Variants in UBE4A observed in about 807,000 individuals in gnomAD.
UBE4A encodes the protein ubiquitination factor E4A.
In UBE4A, 48 loss-of-function variants were observed where a neutral mutation model predicts 117.9. That is an observed-to-expected ratio of 0.41 (90% CI 0.32 to 0.52). The LOEUF (loss-of-function observed/expected upper bound fraction) is 0.52. UBE4A is among the 20% of genes least tolerant of loss of function. The pLI, the probability that UBE4A is intolerant of heterozygous loss-of-function variation, is 0.33. For missense variants in UBE4A, 1,067 were observed against 1,296.3 expected (o/e 0.82, Z 2.72); for synonymous variants, 407 against 450.0 (o/e 0.90, Z 1.21).
chr11:118,384,704 G>C lies in UBE4A; in HGVS notation c.2267G>C (p.Trp756Ser), dbSNP rs201356695. The C allele has an allele frequency of 1.5e-5, 25 of 1,614,040 alleles. No individual in the cohort carries two copies. The East Asian group carries it at 4.0e-4, about 26-fold the overall frequency. Reference protein sequence around the residue: ...RPMYPILRYMWGTDTYRESIK... With the variant: ...RPMYPILRYMSGTDTYRESIK... ...ATGTATCCTATCCTAAGATACATGTGGGGGACAGATACCTATCGGGAGAGC... is the reference window on the plus strand; with the variant it reads ...ATGTATCCTATCCTAAGATACATGTCGGGGACAGATACCTATCGGGAGAGC... The change falls in exon 14 of 20, where the codon TGG becomes TCG. Residue 756 changes from tryptophan (W) to serine (S), a missense_variant. Around this residue, in one of 3 missense-constraint regions of UBE4A, gnomAD observed 1,001 missense variants for 1,184.0 expected, o/e 0.85. Transcript: ENST00000252108.
rs958672352 is a variant in UBE4A at position 118,375,067 on chromosome 11, G to A, written c.1288G>A (p.Ala430Thr). Residue 430 changes from alanine to threonine, a missense_variant, in exon 9 of 20, where the codon GCC (alanine) becomes ACC (threonine). Ala to Thr is a moderately conservative substitution (Grantham distance 58, BLOSUM62 0). Coordinates refer to ENST00000252108, the MANE Select transcript of UBE4A (RefSeq NM_001204077.2). ...GCCAGAAATCTTTTTCCAAATGTAT[G>A]CCTCAGATGCTTTCTTTCTGAATCT... ...QMPEIFFQMY[A>T]SDAFFLNLGA... The A allele has an allele frequency of 1.2e-6, 2 of 1,614,204 alleles. No homozygotes were observed. The highest frequency in any genetic ancestry group is 2.2e-5 in the South Asian group (2 of 91,086).
rs1250948524 is a variant in UBE4A at position 118,373,571 on chromosome 11, G to C, written c.1002G>C (p.Leu334=). 1 of 1,614,164 alleles carries C rather than the reference G, an allele frequency of 6.2e-7. No homozygotes were observed. The highest frequency in any genetic ancestry group is 8.5e-7 in the Non-Finnish European group (1 of 1,180,038). The stretch of plus-strand genomic sequence containing the variant: ...AGAAGACCTTGCTGGGAGTAATTCT[G>C]AGTATCTCCTGCTTATTAAAGACTC... ...MYQKTLLGVI[L]SISCLLKTPG... is the part of the protein sequence containing the mutation. Residue 334 remains leucine, a synonymous_variant, in exon 8 of 20, where the codon CTG becomes CTC. Transcript: ENST00000252108.
intron 2 of UBE4A, among the ~76,000 whole-genome samples, chr11:118,365,943 A>T (rs754699639): frequency 2.6e-5 from 4 of 152,308 alleles, no homozygotes; most frequent in Non-Finnish European, 5.9e-5. Context: ...TCTTCTGAAG[A>T]TATTCACAAT....
chr11:118,373,856 C>T (rs757710387), intron 8 of UBE4A, among the ~76,000 whole-genome samples, 171 bp downstream of exon 8: 21 of 152,166 alleles, frequency 1.4e-4, no homozygotes, highest in South Asian at 6.2e-4. Context: ...CCTGTAATCC[C>T]GGCACTTTGG....
In UBE4A at chr11:118,379,439, G is replaced by C; in HGVS notation, c.1572-7G>C. 1.2e-6 allele frequency: 2 copies of C among 1,609,478 alleles called. No homozygotes were observed. The highest frequency in any genetic ancestry group is 1.7e-6 in the Non-Finnish European group (2 of 1,176,908). ...TGACCCAGTCTCTTCTGCTTTCTTG[G>C]GGGCAGGTTGCATGATCAGATGGTA... is the stretch of plus-strand genomic sequence containing the variant. On this transcript the variant is annotated splice_polypyrimidine_tract_variant and splice_region_variant and intron_variant, in intron 10 of 19. Coordinates refer to ENST00000252108, the MANE Select transcript of UBE4A (RefSeq NM_001204077.2).
At position 118,397,165 on chromosome 11, in the gene UBE4A, A is replaced by G. The variant is rs1555129957; in HGVS notation, c.*725A>G. 1 of 152,104 alleles carries G rather than the reference A, an allele frequency of 6.6e-6. No homozygotes were observed. Among genetic ancestry groups the G allele is most frequent in the East Asian group, 1.9e-4 (1 of 5,194 alleles). The allele number at this position is 152,104 out of a possible 1,614,324, so 9.4% of individuals were successfully genotyped here. A position where few individuals can be genotyped will look rare whatever the true frequency, so the allele number is the denominator to read the frequency against. ...CTGTTGGGCCCTTATTCTCTTATGA[A>G]AATCTGTTTCTACAAGGACTAGGCC... On this transcript the variant is annotated 3_prime_UTR_variant, in exon 20 of 20. Coordinates refer to ENST00000252108, the MANE Select transcript of UBE4A (RefSeq NM_001204077.2).
At position 118,369,552 on chromosome 11, in the gene UBE4A, C is replaced by T; in HGVS notation, c.408+17C>T. 6.3e-7 allele frequency: 1 copy of T among 1,598,326 alleles called. No homozygotes were observed. Among genetic ancestry groups the T allele is most frequent in the South Asian group, 1.1e-5 (1 of 90,592 alleles). ...GTTGAGCAGGTAATATTCTTACGTT[C>T]CTAATGTGTGCCCTTAGCAAAAATT... On this transcript the variant is annotated intron_variant, in intron 4 of 19. Coordinates refer to ENST00000252108, the MANE Select transcript of UBE4A (RefSeq NM_001204077.2).
At chr11:118,385,192 A>G (rs1948745222) in intron 15 of UBE4A, among the ~76,000 whole-genome samples, 1 of 152,164 alleles carries the variant, frequency 6.6e-6, no homozygotes, top group Admixed American at 6.5e-5. Flanking sequence ...TGGCAGAGTC[A>G]AAAATACCAT....
chr11:118,360,041 A>G (rs1948508472), intron 1 of UBE4A, among the ~76,000 whole-genome samples: 1 of 152,228 alleles, frequency 6.6e-6, no homozygotes, highest in African/African-American at 2.4e-5. Context: ...AGGATAAAAT[A>G]TAAAGAGTAG....
chr11:118,387,329 AAG>A (rs1555127435), intron 16 of UBE4A, among the ~76,000 whole-genome samples: 3 of 152,238 alleles, frequency 2.0e-5, no homozygotes, highest in Non-Finnish European at 2.9e-5. Context: ...GAGGCAATGA[AAG>A]AGATTATTTG....
intron 15 of UBE4A, among the ~76,000 whole-genome samples, chr11:118,385,926 G>A (rs905050817): frequency 2.6e-5 from 4 of 152,208 alleles, no homozygotes; most frequent in African/African-American, 9.6e-5. Context: ...TCATGAGACT[G>A]TAAGTTTAAC....
chr11:118,361,063 C>T (rs1948517215), intron 1 of UBE4A, among the ~76,000 whole-genome samples: 1 of 140,480 alleles, frequency 7.1e-6, no homozygotes, highest in Non-Finnish European at 1.5e-5. Flanking sequence ...AGGCTCTGCT[C>T]TGGAGTGCAG....
intron 12 of UBE4A, 145 bp downstream of exon 12, chr11:118,381,668 A>G (rs1948706723): frequency 1.8e-6 from 2 of 1,101,756 alleles, no homozygotes; most frequent in African/African-American, 1.6e-5. Context: ...GACCATCCAT[A>G]TGGGTAGCCA....
chr11:118,372,216 C>T (rs1451731411), intron 5 of UBE4A, among the ~76,000 whole-genome samples: 3 of 152,192 alleles, frequency 2.0e-5, no homozygotes, highest in Admixed American at 2.0e-4. Context: ...GATCACACCA[C>T]TGCACTCCAG....
rs1228608220 is a variant in UBE4A, at chr11:118,398,953, C to T, written c.*2513C>T. 3 of 391,654 alleles carry T rather than the reference C, an allele frequency of 7.7e-6. No homozygotes were observed. The East Asian group carries it at 2.4e-4, about 31-fold the overall frequency. 24.3% of individuals were successfully genotyped at this position (391,654 alleles called of 1,614,324 possible). A position where few individuals can be genotyped will look rare whatever the true frequency, so the allele number is the denominator to read the frequency against. On this transcript the variant is annotated 3_prime_UTR_variant, in exon 20 of 20. Coordinates refer to ENST00000252108, the MANE Select transcript of UBE4A (RefSeq NM_001204077.2). ...TGGTGGTTGCTAAGCAGCCATTGCA[C>T]AGAGCATAAGTCTACTGGGTGCCTT...
chr11:118,374,058 A>G (rs547284937), intron 8 of UBE4A, among the ~76,000 whole-genome samples: 1 of 152,232 alleles, frequency 6.6e-6, no homozygotes, highest in Non-Finnish European at 1.5e-5. Context: ...AGACTTCAGT[A>G]AGCCATGATT....
intron 4 of UBE4A, among the ~76,000 whole-genome samples, chr11:118,370,885 T>A (rs1282437101): frequency 1.3e-5 from 2 of 152,132 alleles, no homozygotes; most frequent in Non-Finnish European, 2.9e-5. Flanking sequence ...ATTAATCCAG[T>A]CTTGTGAGAG....
chr11:118,362,420 G>C (rs775475898), intron 1 of UBE4A, among the ~76,000 whole-genome samples: 1 of 152,114 alleles, frequency 6.6e-6, no homozygotes. Context: ...CACTGTGCCC[G>C]GCCTTCTTGA....
At chr11:118,378,558 A>C (rs1330620111) in intron 10 of UBE4A, 1 of 152,264 alleles carries the variant, frequency 6.6e-6, no homozygotes, top group Non-Finnish European at 1.5e-5. Flanking sequence ...TAAGAATAGC[A>C]ATTTTTAATG....
Sources: allele counts gnomAD v4.1 joint callset (sites outside exome capture counted in the v4.1 genomes callset), GRCh38; gene constraint gnomAD v4.1.1; regional missense constraint gnomAD v4.1.1; transcripts MANE v1.5; gene names NCBI Gene and HGNC (gene_info 2026-07-23, HGNC 2026-07-21).